Variants in NOVA1 observed in about 807,000 individuals in gnomAD.
The protein encoded by NOVA1 is NOVA alternative splicing regulator 1, also known as RNA-binding protein Nova-1.
In NOVA1, 7 loss-of-function variants were observed where a neutral mutation model predicts 38.0. That is an observed-to-expected ratio of 0.18 (90% CI 0.10 to 0.35). The LOEUF (loss-of-function observed/expected upper bound fraction) is 0.35, where lower values mean the gene tolerates loss of function less well. Ranked by LOEUF, NOVA1 falls within the 10% of genes least tolerant of loss-of-function variation. The pLI is 1.00. For synonymous variants in NOVA1, 270 were observed against 232.5 expected, an observed-to-expected ratio of 1.16 and a Z score of -1.47; for missense variants, 460 against 616.0, an observed-to-expected ratio of 0.75 and a Z score of 2.68.
intron 2 of NOVA1, among the ~76,000 whole-genome samples, chr14:26,491,374 T>A (rs1204329038): frequency 6.6e-6 from 1 of 152,092 alleles, no homozygotes; most frequent in Non-Finnish European, 1.5e-5. Flanking sequence ...TTTTCAAACA[T>A]TTTCTCTCAT....
chr14:26,517,956 A>G (rs1888591195), intron 2 of NOVA1, among the ~76,000 whole-genome samples: 2 of 152,134 alleles, frequency 1.3e-5, no homozygotes, highest in Admixed American at 1.3e-4. Context: ...TGGAAGCAGA[A>G]TTGGAAAAAC....
intron 2 of NOVA1, among the ~76,000 whole-genome samples, chr14:26,559,678 G>A (rs1362104493): frequency 6.6e-6 from 1 of 152,136 alleles, no homozygotes; most frequent in African/African-American, 2.4e-5. Flanking sequence ...ATATGTGAGA[G>A]CTACAACCGT....
chr14:26,543,516 C>T (rs1432730226), intron 2 of NOVA1, among the ~76,000 whole-genome samples: 3 of 151,846 alleles, frequency 2.0e-5, no homozygotes, highest in African/African-American at 7.3e-5. Context: ...AATGAGAACA[C>T]ACTAGAGAGA....
rs558340209 is a variant in NOVA1 at position 26,443,749 on chromosome 14, T to C, written c.*4210A>G. Reference sequence around the variant, plus strand: ...AAGGCAAAATGAGTTCATCCTGTTTTCTAATCATGTGCAATTTTGTATGGC... The same window carrying C: ...AAGGCAAAATGAGTTCATCCTGTTTCCTAATCATGTGCAATTTTGTATGGC... On this transcript the variant is annotated 3_prime_UTR_variant, in exon 5 of 5. Transcript: ENST00000539517. 2 of 152,212 alleles carry C rather than the reference T, an allele frequency of 1.3e-5. No homozygotes were observed. The highest frequency in any genetic ancestry group is 6.6e-5 in the Admixed American group (1 of 15,196). The allele number at this position is 152,212 out of a possible 1,614,324, so 9.4% of individuals were successfully genotyped here.
intron 2 of NOVA1, among the ~76,000 whole-genome samples, chr14:26,481,621 A>G (rs1191797730): frequency 6.6e-6 from 1 of 152,114 alleles, no homozygotes; most frequent in Non-Finnish European, 1.5e-5. Context: ...ATTTCAATAG[A>G]CCATGTATAT....
chr14:26,577,101 AGTACCTATCTATCTGT>A (rs1594568602), intron 2 of NOVA1, among the ~76,000 whole-genome samples: 1 of 152,084 alleles, frequency 6.6e-6, no homozygotes, highest in Non-Finnish European at 1.5e-5. Context: ...AAGGTCACAC[AGTACCTATCTATCTGT>A]GTCTGGCTTA....
chr14:26,493,347 T>G (rs1886504130), intron 2 of NOVA1, among the ~76,000 whole-genome samples: 1 of 152,178 alleles, frequency 6.6e-6, no homozygotes, highest in African/African-American at 2.4e-5. Context: ...AAAATACAAG[T>G]CTCAGAATAT....
intron 2 of NOVA1, among the ~76,000 whole-genome samples, chr14:26,594,995 G>C (rs1894094444): frequency 6.6e-6 from 1 of 152,056 alleles, no homozygotes; most frequent in South Asian, 2.1e-4. Context: ...GGATTCAGAA[G>C]TAAATGGTCC....
At chr14:26,544,856 G>C (rs1249865120) in intron 2 of NOVA1, among the ~76,000 whole-genome samples, 1 of 151,994 alleles carries the variant, frequency 6.6e-6, no homozygotes, top group African/African-American at 2.4e-5. Flanking sequence ...AGAGAATAAA[G>C]TAACTCTCTG....
intron 3 of NOVA1, among the ~76,000 whole-genome samples, chr14:26,476,546 C>G (rs576141226): frequency 5.3e-5 from 8 of 152,184 alleles, no homozygotes; most frequent in Admixed American, 1.3e-4. Context: ...ACCCTTCTCC[C>G]CAAATTCACA....
chr14:26,464,680 T>G (rs1883972056), intron 4 of NOVA1, among the ~76,000 whole-genome samples: 1 of 152,168 alleles, frequency 6.6e-6, no homozygotes, highest in Non-Finnish European at 1.5e-5. Context: ...ATCAGGGATT[T>G]GTTTCTATAT....
rs529956375 is a variant in NOVA1 at position 26,584,977 on chromosome 14, G to A, written c.280+10433C>T. 4.0e-5 allele frequency among the ~76,000 whole-genome samples: 6 copies of A among 151,416 alleles called. No homozygotes were observed. The South Asian group carries it at 8.3e-4, about 21-fold the overall frequency. Reference sequence around the variant, plus strand: ...TAAAATCCGTGGCAAAGAAGGGCACGGGGAAACAGACAAGAAACACTATGA... The same window carrying A: ...TAAAATCCGTGGCAAAGAAGGGCACAGGGAAACAGACAAGAAACACTATGA... On this transcript the variant is annotated intron_variant, in intron 2 of 4. Transcript: ENST00000539517.
Position 26,597,137 on chromosome 14 carries a change from G to C in NOVA1, c.136+164C>G, listed in dbSNP as rs992942361. 4.9e-6 allele frequency: 6 copies of C among 1,225,364 alleles called. No individual in the cohort carries two copies. The African/African-American group carries it at 9.4e-5, about 19-fold the overall frequency. 75.9% of individuals were successfully genotyped at this position (1,225,364 alleles called of 1,614,324 possible). On this transcript the variant is annotated intron_variant, in intron 1 of 4. Transcript: ENST00000539517. ...GACACCTAGGCGCGGGGCAGGTGCA[G>C]GGGAGGGGGCGCGGGGCAGGGGCGC...
intron 2 of NOVA1, among the ~76,000 whole-genome samples, chr14:26,491,349 T>A (rs7153776): frequency 0.036 from 5,435 of 152,208 alleles, 112 homozygotes; most frequent in Middle Eastern, 0.048. Flanking sequence ...GATATTAAAG[T>A]TATTGTATAA....
chr14:26,549,974 G>C (rs1490119460), intron 2 of NOVA1, among the ~76,000 whole-genome samples: 1 of 152,084 alleles, frequency 6.6e-6, no homozygotes, highest in Non-Finnish European at 1.5e-5. Context: ...TCAGTCACAA[G>C]AGACCTACAC....
At chr14:26,542,793 T>C (rs1248993913) in intron 2 of NOVA1, among the ~76,000 whole-genome samples, 3 of 150,902 alleles carry the variant, frequency 2.0e-5, no homozygotes, top group Admixed American at 6.6e-5. Flanking sequence ...TTTAATTAAA[T>C]TAATTAGTTA....
At chr14:26,537,350 T>A (rs1226061977) in intron 2 of NOVA1, among the ~76,000 whole-genome samples, 1 of 152,118 alleles carries the variant, frequency 6.6e-6, no homozygotes, top group African/African-American at 2.4e-5. Flanking sequence ...CTATTTTTTA[T>A]CTTCAAATAC....
At chr14:26,566,263 C>G (rs1892130642) in intron 2 of NOVA1, among the ~76,000 whole-genome samples, 1 of 152,106 alleles carries the variant, frequency 6.6e-6, no homozygotes, top group Non-Finnish European at 1.5e-5. Flanking sequence ...ACAAAACTAA[C>G]TTATCACTAA....
intron 2 of NOVA1, among the ~76,000 whole-genome samples, chr14:26,579,400 C>T (rs890325918): frequency 6.6e-6 from 1 of 152,074 alleles, no homozygotes; most frequent in African/African-American, 2.4e-5. Context: ...AAATATAAAA[C>T]TGAATTTACA....
Sources: gnomAD v4.1 joint callset for allele counts (sites outside exome capture counted in the v4.1 genomes callset) on GRCh38, gnomAD v4.1.1 for gene constraint, MANE v1.5 for transcripts, NCBI Gene and HGNC (gene_info 2026-07-23, HGNC 2026-07-21) for gene names.